Variants in GPR89A observed in about 807,000 individuals in gnomAD.
The protein encoded by GPR89A is G protein-coupled receptor 89A.
In GPR89A, 16 loss-of-function variants were observed where a neutral mutation model predicts 52.0. That is an observed-to-expected ratio of 0.31 (90% CI 0.21 to 0.47). GPR89A has a LOEUF of 0.47. Among genes scored for constraint, GPR89A ranks in the 20% least tolerant of loss-of-function variants. The pLI, the probability that GPR89A is intolerant of heterozygous loss-of-function variation, is 1.00. For synonymous variants in GPR89A, 55 were observed against 150.9 expected (o/e 0.36, Z 4.66); for missense variants, 135 against 449.4 (o/e 0.30, Z 6.33).
intron 10 of GPR89A, among the ~76,000 whole-genome samples, chr1:145,661,756 G>C (rs587633235): frequency 6.6e-6 from 1 of 151,014 alleles, no homozygotes; most frequent in East Asian, 1.9e-4. Context: ...ATTGATTGGA[G>C]ATCTTTGCTG....
chr1:145,662,829 C>T (rs587640396), intron 10 of GPR89A, among the ~76,000 whole-genome samples: 59 of 135,398 alleles, frequency 4.4e-4, no homozygotes, highest in African/African-American at 1.4e-3. Flanking sequence ...TCATTGGTCC[C>T]ATCTGTTCTT....
At chr1:145,621,137 T>C (rs1649110739) in intron 3 of GPR89A, among the ~76,000 whole-genome samples, 1 of 151,678 alleles carries the variant, frequency 6.6e-6, no homozygotes, top group African/African-American at 2.4e-5. Context: ...GCCTGCCATC[T>C]GTACTAAGGA....
intron 7 of GPR89A, among the ~76,000 whole-genome samples, chr1:145,635,856 G>A (rs1444312494): frequency 6.6e-6 from 1 of 152,204 alleles, no homozygotes; most frequent in Non-Finnish European, 1.5e-5. Context: ...CTACTTGGGA[G>A]GCTGAGGCAG....
chr1:145,616,487 T>C (rs1445142058), intron 2 of GPR89A, among the ~76,000 whole-genome samples, 194 bp downstream of exon 2: 1 of 152,120 alleles, frequency 6.6e-6, no homozygotes, highest in Admixed American at 6.5e-5. Flanking sequence ...AAATCAAATA[T>C]AGCCCAGAAG....
At chr1:145,616,050 G>A (rs1312958300) in intron 1 of GPR89A, among the ~76,000 whole-genome samples, 184 bp from the exon 2 acceptor site, 3 of 150,818 alleles carry the variant, frequency 2.0e-5, no homozygotes, top group African/African-American at 7.5e-5. Flanking sequence ...AACTCCAAGG[G>A]CATTTAAAAA....
At position 145,623,062 on chromosome 1, in the gene GPR89A, A is replaced by C. The variant is rs1553688388; in HGVS notation, c.215A>C (p.Tyr72Ser). Residue 72 changes from tyrosine to serine, a missense_variant, in exon 4 of 14, where the codon TAT becomes TCT. Tyr to Ser is a moderately radical substitution (Grantham distance 144). Around this residue, in one of 10 missense-constraint regions of GPR89A, gnomAD observed 15 missense variants for 41.0 expected, o/e 0.37. Transcript: ENST00000313835. ...ILGVLNSSSR[Y>S]FHWKMNLCVI... ...TTTGACATTTATTTCAGCTCCCGTT[A>C]TTTTCACTGGAAAATGAACCTGTGT... 6.2e-7 allele frequency: 1 copy of C among 1,609,842 alleles called. No homozygotes were observed. Among genetic ancestry groups the C allele is most frequent in the Non-Finnish European group, 8.5e-7 (1 of 1,177,602 alleles).
At chr1:145,617,298 A>C (rs1254155195) in intron 2 of GPR89A, among the ~76,000 whole-genome samples, 1 of 152,168 alleles carries the variant, frequency 6.6e-6, no homozygotes, top group Non-Finnish European at 1.5e-5. Flanking sequence ...CCAACCCCGC[A>C]AGCAGTCAGA....
At chr1:145,645,848 G>C (rs1220006685) in intron 8 of GPR89A, 15 of 416,044 alleles carry the variant, frequency 3.6e-5, no homozygotes, top group Middle Eastern at 1.5e-3. Flanking sequence ...CTTTATTATA[G>C]TTATTATTCT....
chr1:145,623,190 T>C (rs1649258822), intron 4 of GPR89A, 30 bp downstream of exon 4: 1 of 1,612,310 alleles, frequency 6.2e-7, no homozygotes, highest in Non-Finnish European at 8.5e-7. Flanking sequence ...AGTCAGCATA[T>C]AGATTGAGAT....
chr1:145,637,723 A>C (rs1173911578), intron 7 of GPR89A, among the ~76,000 whole-genome samples: 2 of 152,214 alleles, frequency 1.3e-5, no homozygotes, highest in African/African-American at 2.4e-5. Context: ...GAAGGAAAGC[A>C]TGATACAAGT....
chr1:145,622,205 T>C (rs1649190145), intron 3 of GPR89A, among the ~76,000 whole-genome samples: 1 of 151,240 alleles, frequency 6.6e-6, no homozygotes, highest in Non-Finnish European at 1.5e-5. Flanking sequence ...CAAAATATAA[T>C]ATATCCATAT....
intron 8 of GPR89A, chr1:145,645,825 G>A (rs1650944152): frequency 2.6e-6 from 1 of 387,136 alleles, no homozygotes; most frequent in South Asian, 2.1e-5. Flanking sequence ...AGATAATGTA[G>A]GAGAAAGCTA....
chr1:145,663,678 A>T (rs1415607118), intron 11 of GPR89A, among the ~76,000 whole-genome samples: 2 of 152,198 alleles, frequency 1.3e-5, no homozygotes, highest in Admixed American at 6.5e-5. Flanking sequence ...ATTGTCATGG[A>T]TGCTGATTAT....
At chr1:145,667,064 A>G (rs1391848137) in intron 12 of GPR89A, among the ~76,000 whole-genome samples, 1 of 152,192 alleles carries the variant, frequency 6.6e-6, no homozygotes, top group Non-Finnish European at 1.5e-5. Flanking sequence ...ATGTGTCTTT[A>G]TAGCAGCATG....
At chr1:145,641,047 C>T (rs1240234193) in intron 7 of GPR89A, among the ~76,000 whole-genome samples, 14 of 151,796 alleles carry the variant, frequency 9.2e-5, no homozygotes, top group Non-Finnish European at 2.1e-4. Flanking sequence ...CTGGATCACT[C>T]ATACGTTGCT....
intron 10 of GPR89A, among the ~76,000 whole-genome samples, chr1:145,655,193 A>G (rs1651728912): frequency 1.3e-5 from 2 of 151,690 alleles, no homozygotes; most frequent in African/African-American, 2.4e-5. Flanking sequence ...AACAGCTCCT[A>G]TAATGTTTTA....
intron 11 of GPR89A, among the ~76,000 whole-genome samples, chr1:145,664,438 C>T (rs1553696119): frequency 6.6e-6 from 1 of 152,020 alleles, no homozygotes; most frequent in East Asian, 1.9e-4. Context: ...TCACTTGAGT[C>T]CAGGAGTTCA....
At chr1:145,645,444 A>G (rs71257618) in intron 8 of GPR89A, 10 of 385,732 alleles carry the variant, frequency 2.6e-5, no homozygotes, top group African/African-American at 8.4e-5. Context: ...CTGTGTTAGT[A>G]ATGAGTTAAC....
intron 7 of GPR89A, among the ~76,000 whole-genome samples, chr1:145,638,531 TA>T (rs1439708198): frequency 6.8e-6 from 1 of 146,200 alleles, no homozygotes; most frequent in African/African-American, 2.7e-5. Context: ...AATATTTTTT[TA>T]AAAAAATATT....
Sources: gnomAD v4.1 joint callset for allele counts (sites outside exome capture counted in the v4.1 genomes callset) on GRCh38, gnomAD v4.1.1 for gene constraint, gnomAD v4.1.1 regional missense constraint, MANE v1.5 for transcripts, NCBI Gene and HGNC (gene_info 2026-07-23, HGNC 2026-07-21) for gene names.